TM6SF1: variants seen among roughly 807,000 people sequenced by gnomAD.
The protein encoded by TM6SF1 is transmembrane 6 superfamily member 1.
In TM6SF1, 43 loss-of-function variants were observed where a neutral mutation model predicts 47.1. That is an observed-to-expected ratio of 0.91 (90% confidence interval 0.72 to 1.18). The LOEUF (loss-of-function observed/expected upper bound fraction) is 1.18, where lower values mean the gene tolerates loss of function less well. Ranked by LOEUF, TM6SF1 falls within the 50% of genes most tolerant of loss-of-function variation. The pLI, the probability that TM6SF1 is intolerant of heterozygous loss-of-function variation, is 0.00. For missense variants in TM6SF1, 390 were observed against 449.0 expected (o/e 0.87, Z 1.19); for synonymous variants, 177 against 166.3 (o/e 1.06, Z -0.49).
chr15:83,123,309 T>A (rs1408282965), intron 6 of TM6SF1, among the ~76,000 whole-genome samples: 1 of 152,142 alleles, frequency 6.6e-6, no homozygotes, highest in African/African-American at 2.4e-5. Flanking sequence ...TACACAGCCA[T>A]ACAATCTTGA....
chr15:83,136,408 C>A, intron 9 of TM6SF1, 73 bp from the exon 10 acceptor site: 1 of 1,308,334 alleles, frequency 7.6e-7, no homozygotes, highest in Non-Finnish European at 1.0e-6. Context: ...CTGAATGAAC[C>A]ATTCAGAACT....
intron 9 of TM6SF1, chr15:83,128,645 T>C (rs999226783): frequency 2.6e-5 from 4 of 152,204 alleles, no homozygotes; most frequent in African/African-American, 7.2e-5. Flanking sequence ...CTCAGTCTTT[T>C]TACTTGCATG....
intron 4 of TM6SF1, among the ~76,000 whole-genome samples, chr15:83,121,403 T>C (rs544650294): frequency 6.6e-6 from 1 of 152,274 alleles, no homozygotes; most frequent in Admixed American, 6.5e-5. Context: ...TTTGTCAGCA[T>C]TGAAGATTTG....
chr15:83,120,725 T>C (rs1322512557), intron 4 of TM6SF1, among the ~76,000 whole-genome samples: 1 of 151,370 alleles, frequency 6.6e-6, no homozygotes, highest in East Asian at 2.0e-4. Context: ...TACCCGCAAA[T>C]TTTGTATTTT....
intron 9 of TM6SF1, chr15:83,130,187 AG>A (rs1379019173): frequency 6.6e-6 from 1 of 152,328 alleles, no homozygotes; most frequent in Non-Finnish European, 1.5e-5. Flanking sequence ...AGGAAAACCT[AG>A]GCAAAAGCCT....
In TM6SF1 at chr15:83,107,830, C is replaced by G. The variant is rs2033801621; in HGVS notation, c.92+58C>G. On this transcript the variant is annotated intron_variant, in intron 1 of 9. Transcript: ENST00000322019. This position sits in a 1 kb window ranked among gnomAD's most constrained non-coding sequence, Gnocchi z 5.6. ...AGGGGCGGCGGGAGTTGGCTCGCCGCGACGGGAGCCTCGCAACTTTTCCGA... is the reference window on the plus strand; with the variant it reads ...AGGGGCGGCGGGAGTTGGCTCGCCGGGACGGGAGCCTCGCAACTTTTCCGA... The G allele has an allele frequency of 6.6e-7, 1 of 1,520,252 alleles. No homozygotes were observed. The highest frequency in any genetic ancestry group is 1.4e-5 in the African/African-American group (1 of 69,368). The allele number at this position is 1,520,252 out of a possible 1,614,324, so 94.2% of individuals were successfully genotyped here. A position where few individuals can be genotyped will look rare whatever the true frequency, so the allele number is the denominator to read the frequency against.
Position 83,122,850 on chromosome 15 carries a change from C to T in TM6SF1, c.575C>T (p.Pro192Leu). Residue 192 changes from proline to leucine, a missense_variant, in exon 6 of 10, where the codon CCA (proline) becomes CTA (leucine). By Grantham distance (98) the Pro-to-Leu change is moderately conservative (BLOSUM62 -3). Coordinates refer to ENST00000322019, the MANE Select transcript of TM6SF1 (RefSeq NM_023003.5). ...VWAGFRIYNQ[P>L]SENYNYPSKV... ...GCTGGTTTCAGAATCTATAATCAGC[C>T]ATCAGAAAATTATAATTACCCCTCA... The T allele has an allele frequency of 1.2e-6, 2 of 1,613,932 alleles. No homozygotes were observed. Among genetic ancestry groups the T allele is most frequent in the Non-Finnish European group, 1.7e-6 (2 of 1,179,946 alleles).
At chr15:83,124,879 A>G (rs563299684) in intron 7 of TM6SF1, 103 bp downstream of exon 7, 1 of 1,014,440 alleles carries the variant, frequency 9.9e-7, no homozygotes, top group South Asian at 1.4e-5. Flanking sequence ...CAGACTTCTT[A>G]GCAAACTAAC....
At chr15:83,135,658 T>C (rs750567895) in intron 9 of TM6SF1, 8 of 152,200 alleles carry the variant, frequency 5.3e-5, no homozygotes, top group South Asian at 2.1e-4. Flanking sequence ...AAAAGACCAA[T>C]TGGCACATTC....
chr15:83,131,694 C>G (rs917386671), intron 9 of TM6SF1: 5 of 152,116 alleles, frequency 3.3e-5, no homozygotes, highest in Non-Finnish European at 5.9e-5. Context: ...ATGTAGGAGT[C>G]TGCCAAATCT....
At chr15:83,111,606 T>C in intron 1 of TM6SF1, 2 of 985,330 alleles carry the variant, frequency 2.0e-6, no homozygotes, top group Non-Finnish European at 2.4e-6. Context: ...AAGGTCCCGA[T>C]GTTGGGCTGT....
At chr15:83,114,113 C>G (rs114250182) in intron 2 of TM6SF1, 40 of 152,958 alleles carry the variant, frequency 2.6e-4, no homozygotes, top group African/African-American at 9.6e-4. Context: ...AGCCTGTGCT[C>G]TGACCCTTGC....
chr15:83,129,090 A>C (rs2036015394), intron 9 of TM6SF1: 1 of 152,116 alleles, frequency 6.6e-6, no homozygotes, highest in Admixed American at 6.5e-5. Flanking sequence ...TCAGCCTCCC[A>C]AAGTGGTAGG....
intron 4 of TM6SF1, among the ~76,000 whole-genome samples, chr15:83,121,347 G>A (rs769986940): frequency 3.3e-5 from 5 of 151,866 alleles, no homozygotes; most frequent in Non-Finnish European, 7.4e-5. Flanking sequence ...TTCTCAAAGT[G>A]CTGGGATTAC....
intron 3 of TM6SF1, among the ~76,000 whole-genome samples, chr15:83,116,352 G>A (rs2034658611): frequency 6.6e-6 from 1 of 152,178 alleles, no homozygotes; most frequent in South Asian, 2.1e-4. Context: ...TGATTGTGAT[G>A]GCTTGCACTC....
rs2035330147 is a variant in TM6SF1 at position 83,122,262 on chromosome 15, GGAGT to G, written c.481+264_481+267del. ...CCTGTTTTTTTAGAAGGATCTTGAGGGAGTGAGTATGGTGTTTATGGCTATATTT... is the reference window on the plus strand; with the variant it reads ...CCTGTTTTTTTAGAAGGATCTTGAGGGAGTATGGTGTTTATGGCTATATTT... On this transcript the variant is annotated intron_variant, in intron 5 of 9. Coordinates refer to ENST00000322019, the MANE Select transcript of TM6SF1 (RefSeq NM_023003.5). Among the ~76,000 whole-genome samples, 3 of 152,064 alleles carry G rather than the reference GGAGT, an allele frequency of 2.0e-5. No homozygotes were observed. The South Asian group carries it at 6.2e-4, about 32-fold the overall frequency.
At position 83,124,728 on chromosome 15, in the gene TM6SF1, G is replaced by C. The variant is rs762870264; in HGVS notation, c.660G>C (p.Leu220Phe). The C allele has an allele frequency of 6.2e-7, 1 of 1,614,052 alleles. No homozygotes were observed. The highest frequency in any genetic ancestry group is 8.5e-7 in the Non-Finnish European group (1 of 1,180,002). ...TGAGAAGACCATTTGATTTAATGTT[G>C]GTTGTGTGTCTCCTCCTGGCAACTG... ...DLLRRPFDLM[L>F]VVCLLLATGF... The change falls in exon 7 of 10, where the codon TTG becomes TTC. Residue 220 changes from leucine (L) to phenylalanine (F), a missense_variant. Leu to Phe is a conservative substitution (Grantham distance 22, BLOSUM62 0). Coordinates refer to ENST00000322019, the MANE Select transcript of TM6SF1 (RefSeq NM_023003.5).
chr15:83,111,903 G>A (rs927189244), intron 1 of TM6SF1, among the ~76,000 whole-genome samples: 4 of 152,186 alleles, frequency 2.6e-5, no homozygotes, highest in African/African-American at 2.4e-5. Context: ...ACATAGGGGT[G>A]CAGAATACAT....
At chr15:83,113,852 A>G (rs2034414811) in intron 2 of TM6SF1, 1 of 152,180 alleles carries the variant, frequency 6.6e-6, no homozygotes, top group South Asian at 2.1e-4. Context: ...CCATATTCCA[A>G]TGGCTGAGAT....
Sources: gnomAD v4.1 joint callset for allele counts (sites outside exome capture counted in the v4.1 genomes callset) on GRCh38, gnomAD v4.1.1 for gene constraint, Gnocchi (gnomAD v3.1) non-coding constraint, MANE v1.5 for transcripts, NCBI Gene and HGNC (gene_info 2026-07-23, HGNC 2026-07-21) for gene names.